MAP3K19: variants seen among roughly 807,000 people sequenced by gnomAD.
The protein encoded by MAP3K19 is SPS1/STE20-related protein kinase YSK4.
Under a neutral mutation model 114.4 loss-of-function variants are expected in MAP3K19, and 91 were observed. The ratio of observed to expected loss-of-function variants is 0.80; its 90% CI spans 0.67 to 0.95. The LOEUF (loss-of-function observed/expected upper bound fraction) is 0.95. Among genes scored for constraint, MAP3K19 ranks in the 40% least tolerant of loss-of-function variants. The probability of loss-of-function intolerance (pLI) is 0.00; values close to 1 mark genes in which losing one functional copy is unlikely to be tolerated. For synonymous variants in MAP3K19, 518 were observed against 530.5 expected, an observed-to-expected ratio of 0.98 and a Z score of 0.32; for missense variants, 1,471 against 1,573.2, an observed-to-expected ratio of 0.94 and a Z score of 1.10.
rs762582468 is a variant in MAP3K19, at chr2:134,987,435, A to C, written c.1437T>G (p.Ser479Arg). Residue 479 changes from serine to arginine, a missense_variant, in exon 10 of 13, where the codon AGT becomes AGG. Ser to Arg is a moderately radical substitution (Grantham distance 110, BLOSUM62 -1). Coordinates refer to ENST00000392915, the MANE Select transcript of MAP3K19 (RefSeq NM_025052.5). Reference sequence around the variant, plus strand: ...TGATGTGGATAAGAGGCACCATCCTACTCATTTCTGGTTTGGCTCTTTCTG... The same window carrying C: ...TGATGTGGATAAGAGGCACCATCCTCCTCATTTCTGGTTTGGCTCTTTCTG... ...SIAERAKPEM[S>R]RMVPLIHITF... 1 of 1,613,602 alleles carries C rather than the reference A, an allele frequency of 6.2e-7. No individual in the cohort carries two copies. Among genetic ancestry groups the C allele is most frequent in the Non-Finnish European group, 8.5e-7 (1 of 1,179,922 alleles).
chr2:134,991,888 G>T (rs1393611271), intron 8 of MAP3K19, among the ~76,000 whole-genome samples: 2 of 152,134 alleles, frequency 1.3e-5, no homozygotes, highest in East Asian at 1.9e-4. Flanking sequence ...CCACAACCCA[G>T]TTCCTCACAG....
At chr2:135,035,903 C>T (rs980619578) in intron 2 of MAP3K19, among the ~76,000 whole-genome samples, 4 of 152,238 alleles carry the variant, frequency 2.6e-5, no homozygotes, top group Admixed American at 2.0e-4. Context: ...GGCACGATCT[C>T]GGCTCACTGC....
chr2:135,018,324 T>G (rs1298179656), intron 5 of MAP3K19, among the ~76,000 whole-genome samples: 1 of 150,622 alleles, frequency 6.6e-6, no homozygotes, highest in Non-Finnish European at 1.5e-5. Flanking sequence ...GTAGTTTAAT[T>G]GAAGAAAGAA....
At chr2:135,045,668 A>T (rs1377719652) in intron 1 of MAP3K19, among the ~76,000 whole-genome samples, 1 of 152,162 alleles carries the variant, frequency 6.6e-6, no homozygotes, top group Non-Finnish European at 1.5e-5. Flanking sequence ...TTTTAATGTG[A>T]CCCTTAAGGG....
intron 12 of MAP3K19, among the ~76,000 whole-genome samples, chr2:134,969,912 G>A (rs545003536): frequency 6.6e-6 from 1 of 152,258 alleles, no homozygotes; most frequent in African/African-American, 2.4e-5. Flanking sequence ...TCAAAAATAA[G>A]TTGGTTTACA....
chr2:134,967,505 T>G (rs139815823), intron 12 of MAP3K19, among the ~76,000 whole-genome samples: 1 of 143,530 alleles, frequency 7.0e-6, no homozygotes, highest in African/African-American at 2.5e-5. Context: ...CGCCCTATGG[T>G]GGGAGGTGAG....
At chr2:135,038,430 A>C (rs13402112) in intron 2 of MAP3K19, among the ~76,000 whole-genome samples, 40,306 of 151,704 alleles carry the variant, frequency 0.27, 7,211 homozygotes, top group African/African-American at 0.49. Context: ...AGCCACCATG[A>C]CCAGCCATGT....
rs1180063374 is a variant in MAP3K19 at position 134,999,970 on chromosome 2, TG to T, written c.280del (p.Gln94LysfsTer3). 6.2e-7 allele frequency: 1 copy of T among 1,611,742 alleles called. No individual in the cohort carries two copies. Among genetic ancestry groups the T allele is most frequent in the East Asian group, 2.2e-5 (1 of 44,854 alleles). The part of the protein sequence containing the change: ...VTFPRDVSPP[Q>X]EMSQEDLKEK... ...TTTTAAGTCTTCTTGGCTCATTTCT[TG>T]GGGAGGACTGACATCTCTTGGAAAA... On this transcript the variant is annotated frameshift_variant, in exon 7 of 13. Coordinates refer to ENST00000392915, the MANE Select transcript of MAP3K19 (RefSeq NM_025052.5). LOFTEE classifies it high-confidence loss of function. The surrounding 1 kb of genome is among the most constrained non-coding windows in gnomAD (Gnocchi z 4.1).
chr2:135,032,313 C>T lies in MAP3K19; in HGVS notation c.-283-1813G>A, dbSNP rs367704505. ...CAGAGGTTGCAATGAGCTGAGATTG[C>T]ACCACTGCACTCTGGCCTGGGTGAC... On this transcript the variant is annotated intron_variant, in intron 2 of 12. Coordinates refer to ENST00000392915, the MANE Select transcript of MAP3K19 (RefSeq NM_025052.5). 4.0e-5 allele frequency among the ~76,000 whole-genome samples: 6 copies of T among 148,214 alleles called. No individual in the cohort carries two copies. In the East Asian group the frequency reaches 1.0e-3, roughly 25 times the overall value.
Position 134,998,758 on chromosome 2 carries a change from T to A in MAP3K19, c.554A>T (p.Glu185Val). The A allele has an allele frequency of 6.3e-7, 1 of 1,599,674 alleles. No homozygotes were observed. The highest frequency in any genetic ancestry group is 8.5e-7 in the Non-Finnish European group (1 of 1,172,654). Residue 185 changes from glutamate (E) to valine (V), a missense_variant, in exon 8 of 13, where the codon GAG becomes GTG. Transcript: ENST00000392915. Reference sequence around the variant, plus strand: ...CTTACCTTCAGATTTTCTTTGCTGCTCCTTCAGAAAATGAGGAGCATCTTC... The same window carrying A: ...CTTACCTTCAGATTTTCTTTGCTGCACCTTCAGAAAATGAGGAGCATCTTC... The part of the protein sequence containing the change: ...TREDAPHFLK[E>V]QQRKSEEFST...
At chr2:134,979,728 C>CT (rs1684496019) in intron 12 of MAP3K19, among the ~76,000 whole-genome samples, 1 of 137,006 alleles carries the variant, frequency 7.3e-6, no homozygotes, top group Non-Finnish European at 1.5e-5. Flanking sequence ...CCTAAGGGTT[C>CT]TCTGCATCTA....
In MAP3K19 at chr2:134,998,890, A is replaced by G; in HGVS notation, c.422T>C (p.Leu141Ser). The G allele has an allele frequency of 6.2e-7, 1 of 1,614,160 alleles. No individual in the cohort carries two copies. Among genetic ancestry groups the G allele is most frequent in the Non-Finnish European group, 8.5e-7 (1 of 1,180,014 alleles). ...LRKKKLTMRP[L>S]VLQKEESSRE... ...GGAACTTTCCTCTTTTTGCAAAACT[A>G]AGGGCCGCATGGTCAGCTTCTTTTT... The change falls in exon 8 of 13, where the codon TTA becomes TCA. Residue 141 changes from leucine (L) to serine (S), a missense_variant. Coordinates refer to ENST00000392915, the MANE Select transcript of MAP3K19 (RefSeq NM_025052.5).
chr2:135,024,612 G>C lies in MAP3K19; in HGVS notation c.22+14C>G. ...TGGGTTGGGAAATTATGCATGTGGA[G>C]TGAAAGTATTTACCTGGTTTTGGCA... is the stretch of plus-strand genomic sequence containing the variant. On this transcript the variant is annotated intron_variant, in intron 4 of 12. Transcript: ENST00000392915. 6.2e-7 allele frequency: 1 copy of C among 1,612,092 alleles called. No homozygotes were observed. The highest frequency in any genetic ancestry group is 8.5e-7 in the Non-Finnish European group (1 of 1,178,330).
At chr2:135,014,236 C>T (rs1005891565) in intron 5 of MAP3K19, among the ~76,000 whole-genome samples, 63 of 152,240 alleles carry the variant, frequency 4.1e-4, no homozygotes, top group African/African-American at 1.5e-3. Context: ...TGCCTGTAAT[C>T]CCAGCTACTT....
At chr2:134,965,278 T>C (rs916378663) in intron 12 of MAP3K19, among the ~76,000 whole-genome samples, 2 of 152,246 alleles carry the variant, frequency 1.3e-5, no homozygotes, top group Admixed American at 6.5e-5. Flanking sequence ...AATTTACGTA[T>C]GGTAAAATTC....
In MAP3K19 at chr2:134,978,288, C is replaced by T. The variant is rs994879698; in HGVS notation, c.3920+2533G>A. ...TGCAGCATCAACTTCCGGGGTCAAG[C>T]GATCCTCTCATCCTCTCACCTCAGC... On this transcript the variant is annotated intron_variant, in intron 12 of 12. Coordinates refer to ENST00000392915, the MANE Select transcript of MAP3K19 (RefSeq NM_025052.5). Among the ~76,000 whole-genome samples the T allele has an allele frequency of 4.0e-5, 6 of 151,558 alleles. No individual in the cohort carries two copies. The South Asian group carries it at 6.3e-4, about 16-fold the overall frequency.
At chr2:135,023,378 ACT>A in intron 4 of MAP3K19, 1 of 512,410 alleles carries the variant, frequency 2.0e-6, no homozygotes, top group Non-Finnish European at 4.0e-6. Context: ...CAATTTTCTC[ACT>A]CTCATCAGTC....
At chr2:135,036,999 C>CT (rs10617799) in intron 2 of MAP3K19, among the ~76,000 whole-genome samples, 6,633 of 144,424 alleles carry the variant, frequency 0.046, 474 homozygotes, top group African/African-American at 0.16. Flanking sequence ...GTAAAACATT[C>CT]TTTTTTTTTT....
rs1685124407 is a variant in MAP3K19, at chr2:134,986,566, A to G, written c.2306T>C (p.Ile769Thr). ...GDGISEPDWQ[I>T]KSSGNEFLSS... is the part of the protein sequence containing the mutation. ...TAGAAACTCATTTCCTGAAGACTTTATCTGCCAGTCTGGTTCTGAAATACC... is the reference window on the plus strand; with the variant it reads ...TAGAAACTCATTTCCTGAAGACTTTGTCTGCCAGTCTGGTTCTGAAATACC... Residue 769 changes from isoleucine to threonine, a missense_variant, in exon 10 of 13, where the codon ATA (isoleucine) becomes ACA (threonine). Coordinates refer to ENST00000392915, the MANE Select transcript of MAP3K19 (RefSeq NM_025052.5). The G allele has an allele frequency of 6.2e-7, 1 of 1,614,202 alleles. No individual in the cohort carries two copies. Among genetic ancestry groups the G allele is most frequent in the Non-Finnish European group, 8.5e-7 (1 of 1,180,032 alleles).
Sources: gnomAD v4.1 joint callset for allele counts (sites outside exome capture counted in the v4.1 genomes callset) on GRCh38, gnomAD v4.1.1 for gene constraint, Gnocchi (gnomAD v3.1) non-coding constraint, MANE v1.5 for transcripts, NCBI Gene and HGNC (gene_info 2026-07-23, HGNC 2026-07-21) for gene names.